The following BCAR1 variants were observed in gnomAD, a reference collection of about 807,000 sequenced individuals.
BCAR1 encodes BCAR1 scaffold protein, Cas family member.
A neutral mutation model predicts 67.6 loss-of-function variants in BCAR1; 30 were observed. The observed-to-expected ratio is 0.44, with a 90% CI of 0.33 to 0.60. The LOEUF (loss-of-function observed/expected upper bound fraction) is 0.60. BCAR1 is among the 20% of genes least tolerant of loss of function. The probability of loss-of-function intolerance (pLI) is 0.02; values close to 1 mark genes in which losing one functional copy is unlikely to be tolerated. For missense variants in BCAR1, 1,313 were observed against 1,222.3 expected (o/e 1.07, Z -1.11); for synonymous variants, 626 against 556.7 (o/e 1.12, Z -1.75).
At chr16:75,256,455 G>A (rs187272383), upstream of BCAR1, among the ~76,000 whole-genome samples, 18 of 152,124 alleles carry the variant, frequency 1.2e-4, no homozygotes, top group Admixed American at 2.6e-4. Context: ...GAGACCCGGG[G>A]GCAGGGGCAG....
intron 2 of BCAR1, among the ~76,000 whole-genome samples, chr16:75,237,891 G>T (rs2077197894): frequency 6.6e-6 from 1 of 152,224 alleles, no homozygotes; most frequent in African/African-American, 2.4e-5. Context: ...ACAGCATGGG[G>T]AGACTCTGGA....
chr16:75,252,825 G>A (rs1483172194), upstream of BCAR1, among the ~76,000 whole-genome samples: 2 of 152,202 alleles, frequency 1.3e-5, no homozygotes, highest in Non-Finnish European at 2.9e-5. Context: ...TGCCACCTTG[G>A]CAGGCCCTCT....
chr16:75,250,326 G>A (rs1207804393), intron 1 of BCAR1, among the ~76,000 whole-genome samples: 2 of 151,542 alleles, frequency 1.3e-5, no homozygotes, highest in Non-Finnish European at 2.9e-5. Context: ...CAGGCACCCC[G>A]ACACCTGCTC....
upstream of BCAR1, chr16:75,252,339 T>G (rs944149975): frequency 1.3e-6 from 2 of 1,535,120 alleles, no homozygotes; most frequent in African/African-American, 2.7e-5. Flanking sequence ...CTGGGCCTAG[T>G]ACCCTCCTGA....
chr16:75,267,765 A>G (rs1356095173), intron 1 of BCAR1: 9 of 791,370 alleles, frequency 1.1e-5, no homozygotes, highest in Non-Finnish European at 1.8e-5. Flanking sequence ...GCACAGGGAA[A>G]GGAGAGCCCA....
chr16:75,240,955 C>A (rs896083874), intron 2 of BCAR1, among the ~76,000 whole-genome samples: 3 of 152,136 alleles, frequency 2.0e-5, no homozygotes, highest in African/African-American at 4.8e-5. Flanking sequence ...CGCTGCTGCT[C>A]CCCAGCCCAC....
intron 1 of BCAR1, chr16:75,266,388 T>C: frequency 5.2e-6 from 1 of 193,382 alleles, no homozygotes; most frequent in Non-Finnish European, 1.0e-5. Context: ...CCGGAAACAG[T>C]CTAGCTCATC....
chr16:75,251,334 A>C (rs545061124), intron 1 of BCAR1, 137 bp downstream of exon 1: 1 of 1,214,118 alleles, frequency 8.2e-7, no homozygotes, highest in Non-Finnish European at 1.1e-6. Flanking sequence ...GGGCAGAAGG[A>C]GATCCCAGGG....
Position 75,229,443 on chromosome 16 carries a change from T to C in BCAR1, c.*68A>G, listed in dbSNP as rs184893847. On this transcript the variant is annotated 3_prime_UTR_variant, in exon 7 of 7. Transcript: ENST00000162330. ...CCCTAAGCCTGTGGCACAGCGACTCTTGACATGGGAGCCAGGGAGCTGGGA... is the reference window on the plus strand; with the variant it reads ...CCCTAAGCCTGTGGCACAGCGACTCCTGACATGGGAGCCAGGGAGCTGGGA... 6.8e-4 allele frequency: 987 copies of C among 1,452,956 alleles called. 4 individuals carry two copies. Among genetic ancestry groups the C allele is most frequent in the Non-Finnish European group, 8.2e-4 (910 of 1,103,906 alleles). The allele number at this position is 1,452,956 out of a possible 1,614,324, so 90.0% of individuals were successfully genotyped here.
At chr16:75,250,353 C>T (rs1003173744) in intron 1 of BCAR1, among the ~76,000 whole-genome samples, 1 of 152,174 alleles carries the variant, frequency 6.6e-6, no homozygotes, top group African/African-American at 2.4e-5. Flanking sequence ...GCCGGCCAGC[C>T]CCCACCACCC....
intron 2 of BCAR1, among the ~76,000 whole-genome samples, chr16:75,239,304 G>A (rs2077252937): frequency 6.6e-6 from 1 of 152,100 alleles, no homozygotes; most frequent in African/African-American, 2.4e-5. Flanking sequence ...ACTGACATAA[G>A]ACCCACACGG....
chr16:75,231,489 G>A (rs571199626), intron 6 of BCAR1, among the ~76,000 whole-genome samples: 2 of 152,186 alleles, frequency 1.3e-5, no homozygotes, highest in Non-Finnish European at 1.5e-5. Flanking sequence ...TGTGGGTGGA[G>A]ATTTCAGATT....
chr16:75,251,996 G>A, upstream of BCAR1: 1 of 622,584 alleles, frequency 1.6e-6, no homozygotes, highest in South Asian at 2.0e-5. Context: ...GCCTCAAGTC[G>A]ACTTGTCTTT....
intron 3 of BCAR1, 40 bp from the exon 4 acceptor site, chr16:75,237,038 A>C (rs1232974073): frequency 1.9e-6 from 3 of 1,544,762 alleles, no homozygotes; most frequent in South Asian, 2.5e-5. Context: ...CGCCAGGGCC[A>C]CTTGGGGGAA....
chr16:75,264,726 G>A (rs2077968077), intron 1 of BCAR1: 27 of 1,112,836 alleles, frequency 2.4e-5, no homozygotes, highest in Non-Finnish European at 2.9e-5. Context: ...AGTTAATGAA[G>A]AGGCCACTTG....
Position 75,235,202 on chromosome 16 carries a change from C to T in BCAR1, c.1697G>A (p.Arg566Gln), listed in dbSNP as rs755484021. 5.0e-5 allele frequency: 81 copies of T among 1,607,894 alleles called. No homozygotes were observed. The highest frequency in any genetic ancestry group is 1.1e-4 in the African/African-American group (8 of 74,866). ...CTCAAGGGTGGCTCCAGAGCCTCCC[C>T]GGCCAGCGTCGAGGGCCTGACCATG... ...VAHGQALDAG[R>Q]GGSGATLEDL... The change falls in exon 5 of 7, where the codon CGG becomes CAG. Residue 566 changes from arginine (R) to glutamine (Q), a missense_variant. Around this residue, in one of 2 missense-constraint regions of BCAR1, gnomAD observed 1,272 missense variants for 1,137.5 expected, o/e 1.12. Transcript: ENST00000162330.
chr16:75,264,101 A>C, intron 1 of BCAR1: 1 of 1,254,204 alleles, frequency 8.0e-7, no homozygotes, highest in South Asian at 3.7e-5. Flanking sequence ...TCCCCACGAC[A>C]GTGCCTATCT....
intron 2 of BCAR1, 73 bp from the exon 3 acceptor site, chr16:75,237,417 C>A: frequency 1.4e-6 from 2 of 1,393,624 alleles, no homozygotes; most frequent in Non-Finnish European, 1.9e-6. Context: ...CACCTGGGAG[C>A]CACGTCCTTT....
intron 1 of BCAR1, chr16:75,247,359 C>A: frequency 6.5e-6 from 1 of 153,234 alleles, no homozygotes; most frequent in Non-Finnish European, 1.5e-5. Flanking sequence ...AGGACTGCCC[C>A]ACACGCTCTG....
Sources: gnomAD v4.1 joint callset for allele counts (sites outside exome capture counted in the v4.1 genomes callset) on GRCh38, gnomAD v4.1.1 for gene constraint, gnomAD v4.1.1 regional missense constraint, MANE v1.5 for transcripts, NCBI Gene and HGNC (gene_info 2026-07-23, HGNC 2026-07-21) for gene names.